Variants in FRMD5 observed in about 807,000 individuals in gnomAD.
FRMD5 encodes FERM domain-containing protein 5.
In FRMD5, 20 loss-of-function variants were observed where a neutral mutation model predicts 69.0. That is an observed-to-expected ratio of 0.29 (90% confidence interval 0.20 to 0.42). FRMD5 has a LOEUF of 0.42. Ranked by LOEUF, FRMD5 falls within the 10% of genes least tolerant of loss-of-function variation. FRMD5 has a pLI of 1.00. For synonymous variants in FRMD5, 271 were observed against 260.1 expected (o/e 1.04, Z -0.40); for missense variants, 595 against 708.6 (o/e 0.84, Z 1.82).
chr15:44,068,036 C>G (rs1312667270), intron 1 of FRMD5, among the ~76,000 whole-genome samples: 1 of 152,088 alleles, frequency 6.6e-6, no homozygotes, highest in Admixed American at 6.6e-5. Flanking sequence ...TGAACTATTC[C>G]TTACCTACCA....
chr15:44,061,624 A>G (rs1367994600), intron 1 of FRMD5, among the ~76,000 whole-genome samples: 2 of 152,216 alleles, frequency 1.3e-5, no homozygotes, highest in Non-Finnish European at 2.9e-5. Context: ...CTGTCAGGGA[A>G]GTCCATAAAG....
chr15:44,194,863 A>G (rs920380748), intron 1 of FRMD5, 90 bp downstream of exon 1: 19 of 1,073,876 alleles, frequency 1.8e-5, no homozygotes, highest in Non-Finnish European at 2.5e-5. Flanking sequence ...GGCTGGGGCG[A>G]CCCCTGGGCG....
rs147577569 is a variant in FRMD5, at chr15:43,879,844, G to C, written c.1135+3859C>G. ...TTGGCAGTGCCTCGCGTGTTGCAGG[G>C]AGAAGGTCACCTCCCCAAGCTTCAC... On this transcript the variant is annotated intron_variant, in intron 13 of 13. Coordinates refer to ENST00000417257, the MANE Select transcript of FRMD5 (RefSeq NM_032892.5). The C allele has an allele frequency of 1.7e-3, 685 of 392,776 alleles. 1 individual carries two copies. Among genetic ancestry groups the C allele is most frequent in the Non-Finnish European group, 2.6e-3 (569 of 222,666 alleles). The allele number at this position is 392,776 out of a possible 1,614,324, so 24.3% of individuals were successfully genotyped here. A position where few individuals can be genotyped will look rare whatever the true frequency, so the allele number is the denominator to read the frequency against.
chr15:43,985,349 T>C (rs1164933814), intron 1 of FRMD5, among the ~76,000 whole-genome samples: 1 of 151,026 alleles, frequency 6.6e-6, no homozygotes, highest in African/African-American at 2.4e-5. Context: ...ACTCTGCTTG[T>C]AACTGGGAAG....
chr15:44,161,568 T>G lies in FRMD5; in HGVS notation c.102+33385A>C, dbSNP rs117980721. ...TAATTTTCCAATAAAATACAATAAT[T>G]TGACACATGCTCAATGTGTAATCAT... is the stretch of plus-strand genomic sequence containing the variant. On this transcript the variant is annotated intron_variant, in intron 1 of 13. Coordinates refer to ENST00000417257, the MANE Select transcript of FRMD5 (RefSeq NM_032892.5). Among the ~76,000 whole-genome samples the G allele has an allele frequency of 3.4e-3, 516 of 152,324 alleles. 3 individuals carry two copies. The highest frequency in any genetic ancestry group is 5.7e-3 in the Non-Finnish European group (390 of 68,034).
chr15:44,025,398 CAA>C (rs927184806), intron 1 of FRMD5, among the ~76,000 whole-genome samples: 1 of 151,820 alleles, frequency 6.6e-6, no homozygotes, highest in African/African-American at 2.4e-5. Context: ...TTCTAGCAAA[CAA>C]AAGAGATGCA....
intron 1 of FRMD5, among the ~76,000 whole-genome samples, chr15:44,170,726 G>GT (rs1321667269): frequency 8.6e-5 from 13 of 152,026 alleles, no homozygotes; most frequent in African/African-American, 1.9e-4. Flanking sequence ...TTTTGATGGA[G>GT]TTTTTTCCCT....
At position 43,966,974 on chromosome 15, in the gene FRMD5, C is replaced by A. The variant is rs144139311; in HGVS notation, c.103-42665G>T. On this transcript the variant is annotated intron_variant, in intron 1 of 13. Coordinates refer to ENST00000417257, the MANE Select transcript of FRMD5 (RefSeq NM_032892.5). ...CATCCCAGAAACAGAGAAACAGAAG[C>A]AGAGAGAAAGAAAAGGAAGATATTT... Among the ~76,000 whole-genome samples, 892 of 151,938 alleles carry A rather than the reference C, an allele frequency of 5.9e-3. 11 individuals are homozygous for A. Among genetic ancestry groups the A allele is most frequent in the African/African-American group, 0.02 (844 of 41,474 alleles).
chr15:43,873,198 G>A lies in FRMD5; in HGVS notation c.*687C>T. 1 of 1,550,530 alleles carries A rather than the reference G, an allele frequency of 6.4e-7. No individual in the cohort carries two copies. ...CACCCCTGATGCTGCTGTTGCTGTAGCGGTGGTCCCTTCAGATGCCCACTC... is the reference window on the plus strand; with the variant it reads ...CACCCCTGATGCTGCTGTTGCTGTAACGGTGGTCCCTTCAGATGCCCACTC... On this transcript the variant is annotated 3_prime_UTR_variant, in exon 14 of 14. Coordinates refer to ENST00000417257, the MANE Select transcript of FRMD5 (RefSeq NM_032892.5).
intron 1 of FRMD5, among the ~76,000 whole-genome samples, chr15:43,990,464 T>C (rs996505874): frequency 1.3e-5 from 2 of 152,256 alleles, no homozygotes; most frequent in Non-Finnish European, 2.9e-5. Flanking sequence ...TGTTTTTTCA[T>C]TTCTCTATAC....
At chr15:44,176,411 C>T (rs186152540) in intron 1 of FRMD5, among the ~76,000 whole-genome samples, 10 of 152,224 alleles carry the variant, frequency 6.6e-5, no homozygotes, top group African/African-American at 2.4e-4. Flanking sequence ...AATGTATGAG[C>T]TAACACTATA....
chr15:44,168,430 T>C (rs2077745472), intron 1 of FRMD5, among the ~76,000 whole-genome samples: 1 of 152,228 alleles, frequency 6.6e-6, no homozygotes, highest in South Asian at 2.1e-4. Context: ...GGAAGAATCA[T>C]GCATATAGAC....
At chr15:44,191,543 G>T (rs541100106) in intron 1 of FRMD5, among the ~76,000 whole-genome samples, 1 of 151,836 alleles carries the variant, frequency 6.6e-6, no homozygotes, top group Admixed American at 6.6e-5. Context: ...CTTAGATTGC[G>T]CCATTGCACT....
chr15:44,014,022 A>G (rs1463344288), intron 1 of FRMD5, among the ~76,000 whole-genome samples: 2 of 151,938 alleles, frequency 1.3e-5, no homozygotes, highest in East Asian at 3.9e-4. Context: ...ACGCCCGGCT[A>G]ATTTTTTGTA....
At chr15:44,140,908 A>G (rs1422243906) in intron 1 of FRMD5, among the ~76,000 whole-genome samples, 1 of 150,854 alleles carries the variant, frequency 6.6e-6, no homozygotes, top group Middle Eastern at 3.4e-3. Flanking sequence ...AAAAAAATCC[A>G]AAAGAATTTA....
At chr15:43,912,863 C>CAA (rs566290726) in intron 4 of FRMD5, among the ~76,000 whole-genome samples, 6 of 99,602 alleles carry the variant, frequency 6.0e-5, no homozygotes, top group South Asian at 3.3e-4. Flanking sequence ...ACTAAAAATA[C>CAA]AAAAAAAAAA....
intron 1 of FRMD5, among the ~76,000 whole-genome samples, chr15:43,952,443 G>C (rs911340721): frequency 3.3e-5 from 5 of 152,212 alleles, no homozygotes; most frequent in African/African-American, 7.2e-5. Flanking sequence ...CTGCCAGCAA[G>C]AAGGGAATGA....
chr15:44,091,379 C>A (rs560544153), intron 1 of FRMD5, among the ~76,000 whole-genome samples: 1 of 152,246 alleles, frequency 6.6e-6, no homozygotes, highest in South Asian at 2.1e-4. Flanking sequence ...CACACACACA[C>A]ACATATATAT....
rs1232562905 is a variant in FRMD5 at position 43,873,137 on chromosome 15, C to T, written c.*748G>A. On this transcript the variant is annotated 3_prime_UTR_variant, in exon 14 of 14. Transcript: ENST00000417257. ...TTCATTATACAAAACTATGGTGATGCCCACTAGGCTCTAGACTAAGGGGAC... is the reference window on the plus strand; with the variant it reads ...TTCATTATACAAAACTATGGTGATGTCCACTAGGCTCTAGACTAAGGGGAC... The T allele has an allele frequency of 6.6e-7, 1 of 1,525,150 alleles. No homozygotes were observed. Among genetic ancestry groups the T allele is most frequent in the Non-Finnish European group, 8.9e-7 (1 of 1,126,496 alleles). 94.5% of individuals were successfully genotyped at this position (1,525,150 alleles called of 1,614,324 possible).
Sources: gnomAD v4.1 joint callset for allele counts (sites outside exome capture counted in the v4.1 genomes callset) on GRCh38, gnomAD v4.1.1 for gene constraint, MANE v1.5 for transcripts, NCBI Gene and HGNC (gene_info 2026-07-23, HGNC 2026-07-21) for gene names.